Variants in UNC5C observed in about 807,000 individuals in gnomAD.
The protein encoded by UNC5C is unc-5 netrin receptor C, also known as netrin receptor UNC5C.
In UNC5C, 47 loss-of-function variants were observed where a neutral mutation model predicts 99.8. The ratio of observed to expected loss-of-function variants is 0.47; its 90% CI spans 0.37 to 0.60. The LOEUF is 0.60. UNC5C is among the 20% of genes least tolerant of loss of function. The pLI is 0.00. For missense variants in UNC5C, 1,062 were observed against 1,165.9 expected, an observed-to-expected ratio of 0.91 and a Z score of 1.30; for synonymous variants, 487 against 452.2, an observed-to-expected ratio of 1.08 and a Z score of -0.98.
intron 4 of UNC5C, among the ~76,000 whole-genome samples, chr4:95,266,517 T>G (rs866370604): frequency 4.6e-5 from 7 of 152,204 alleles, no homozygotes; most frequent in Middle Eastern, 3.2e-3. Flanking sequence ...CATCCCTACT[T>G]GTGTGCAGTG....
rs189705606 is a variant in UNC5C at position 95,398,734 on chromosome 4, A to T, written c.125-63103T>A. 3.0e-3 allele frequency among the ~76,000 whole-genome samples: 453 copies of T among 152,244 alleles called. 2 individuals carry two copies. Among genetic ancestry groups the T allele is most frequent in the African/African-American group, 0.01 (423 of 41,566 alleles). ...AAAGCATGTAGACTTAGTCTTAATG[A>T]GATAAGGTTTAGTCTGTGCCTTCTC... On this transcript the variant is annotated intron_variant, in intron 1 of 15. Coordinates refer to ENST00000453304, the MANE Select transcript of UNC5C (RefSeq NM_003728.4).
chr4:95,512,476 G>T (rs1209660462), intron 1 of UNC5C, among the ~76,000 whole-genome samples: 1 of 152,102 alleles, frequency 6.6e-6, no homozygotes, highest in Non-Finnish European at 1.5e-5. Flanking sequence ...ACCAGGCATG[G>T]TTCTGAAAAG....
chr4:95,196,564 G>A (rs3775057), intron 12 of UNC5C, among the ~76,000 whole-genome samples: 93,270 of 150,276 alleles, frequency 0.62, 30,580 homozygotes, highest in Admixed American at 0.77. Flanking sequence ...CAGCTTTTAA[G>A]TTTCAGGTGA....
At chr4:95,345,606 C>A (rs1250926985) in intron 1 of UNC5C, among the ~76,000 whole-genome samples, 1 of 151,762 alleles carries the variant, frequency 6.6e-6, no homozygotes, top group Non-Finnish European at 1.5e-5. Context: ...ATGTGTTATG[C>A]CACAAAATAA....
chr4:95,544,176 C>T (rs75812861), intron 1 of UNC5C, among the ~76,000 whole-genome samples: 5,268 of 152,160 alleles, frequency 0.035, 163 homozygotes, highest in East Asian at 0.096. Flanking sequence ...GGCACGGAAA[C>T]GTTAAATGTC....
chr4:95,327,928 C>G (rs907208074), intron 2 of UNC5C, among the ~76,000 whole-genome samples: 1 of 151,338 alleles, frequency 6.6e-6, no homozygotes, highest in African/African-American at 2.4e-5. Flanking sequence ...GGCTGTCACA[C>G]TGACTCTTCA....
chr4:95,455,997 G>A (rs980084445), intron 1 of UNC5C, among the ~76,000 whole-genome samples: 1 of 152,084 alleles, frequency 6.6e-6, no homozygotes, highest in Admixed American at 6.6e-5. Context: ...TGGATAGATG[G>A]TAGTTGATAT....
intron 12 of UNC5C, 68 bp downstream of exon 12, chr4:95,202,663 G>T: frequency 6.8e-7 from 1 of 1,473,636 alleles, no homozygotes; most frequent in Non-Finnish European, 9.3e-7. Context: ...CTCCAAGTGT[G>T]CACAGCCGTG....
chr4:95,292,211 A>G (rs1426656778), intron 3 of UNC5C, among the ~76,000 whole-genome samples: 1 of 56,030 alleles, frequency 1.8e-5, no homozygotes, highest in African/African-American at 9.5e-5. Context: ...ATATATACAT[A>G]TATATACACA....
At chr4:95,346,808 C>A (rs1743789877) in intron 1 of UNC5C, among the ~76,000 whole-genome samples, 1 of 151,974 alleles carries the variant, frequency 6.6e-6, no homozygotes, top group Non-Finnish European at 1.5e-5. Context: ...CAACTGGTAT[C>A]ATACTAAATG....
intron 1 of UNC5C, among the ~76,000 whole-genome samples, chr4:95,532,518 C>A (rs746073796): frequency 1.6e-4 from 24 of 151,550 alleles, no homozygotes; most frequent in Non-Finnish European, 1.6e-4. Context: ...CCTGGAGACA[C>A]CAGAATCAAC....
At chr4:95,323,622 C>T (rs1199627185) in intron 2 of UNC5C, among the ~76,000 whole-genome samples, 1 of 152,100 alleles carries the variant, frequency 6.6e-6, no homozygotes, top group Middle Eastern at 3.2e-3. Flanking sequence ...TACAGATCTC[C>T]CGTAGTTCCC....
chr4:95,350,469 G>C lies in UNC5C; in HGVS notation c.125-14838C>G, dbSNP rs558334435. ...GCCACTACATTCCAGCCTGGTAACA[G>C]AGCAAGACTCCGTCTCAAAAAAAAA... On this transcript the variant is annotated intron_variant, in intron 1 of 15. Coordinates refer to ENST00000453304, the MANE Select transcript of UNC5C (RefSeq NM_003728.4). Among the ~76,000 whole-genome samples the C allele has an allele frequency of 3.6e-5, 5 of 137,464 alleles. 1 individual carries two copies. In the East Asian group the frequency reaches 1.2e-3, roughly 33 times the overall value. The allele number at this position is 137,464 out of a possible 152,430, so 90.2% of individuals were successfully genotyped here.
chr4:95,263,984 A>G (rs1740341351), intron 4 of UNC5C, among the ~76,000 whole-genome samples: 1 of 152,178 alleles, frequency 6.6e-6, no homozygotes, highest in South Asian at 2.1e-4. Flanking sequence ...TTTTCAATGG[A>G]TACATTTTCC....
At chr4:95,348,029 C>G (rs1318051208) in intron 1 of UNC5C, among the ~76,000 whole-genome samples, 1 of 151,900 alleles carries the variant, frequency 6.6e-6, no homozygotes, top group Non-Finnish European at 1.5e-5. Context: ...AGATTAGTAA[C>G]TAGAAGAGAT....
At chr4:95,398,327 C>G (rs1279277423) in intron 1 of UNC5C, among the ~76,000 whole-genome samples, 1 of 152,060 alleles carries the variant, frequency 6.6e-6, no homozygotes, top group African/African-American at 2.4e-5. Context: ...ACCATCATCC[C>G]TTGATCCTGA....
Position 95,260,050 on chromosome 4 carries a change from C to T in UNC5C, c.595-9383G>A, listed in dbSNP as rs532606032. Among the ~76,000 whole-genome samples the T allele has an allele frequency of 3.9e-5, 6 of 152,280 alleles. No individual in the cohort carries two copies. In the South Asian group the frequency reaches 1.2e-3, roughly 32 times the overall value. ...CTTCCAGCCACCTCTGCTTTCCCTA[C>T]CACCCTGAAAGTACACCTATGTTGG... is the stretch of plus-strand genomic sequence containing the variant. On this transcript the variant is annotated intron_variant, in intron 4 of 15. Transcript: ENST00000453304.
chr4:95,394,830 A>T (rs1233897852), intron 1 of UNC5C, among the ~76,000 whole-genome samples: 5 of 67,082 alleles, frequency 7.5e-5, no homozygotes, highest in South Asian at 4.5e-4. Flanking sequence ...GAATAAGAAT[A>T]AAAAAAAAAA....
chr4:95,320,776 AAC>A (rs1742660154), intron 2 of UNC5C, among the ~76,000 whole-genome samples: 1 of 152,138 alleles, frequency 6.6e-6, no homozygotes, highest in Non-Finnish European at 1.5e-5. Flanking sequence ...AATTTGGAAA[AAC>A]ACACACATGT....
Sources: gnomAD v4.1 joint callset for allele counts (sites outside exome capture counted in the v4.1 genomes callset) on GRCh38, gnomAD v4.1.1 for gene constraint, MANE v1.5 for transcripts, NCBI Gene and HGNC (gene_info 2026-07-23, HGNC 2026-07-21) for gene names.